The following NPAS2 variants were observed in gnomAD, a reference collection of about 807,000 sequenced individuals.
NPAS2 encodes neuronal PAS domain protein 2, also known as neuronal PAS domain-containing protein 2.
In NPAS2, 23 loss-of-function variants were observed where a neutral mutation model predicts 107.5. The ratio of observed to expected loss-of-function variants is 0.21; its 90% CI spans 0.15 to 0.30. The LOEUF is 0.30. NPAS2 is among the 10% of genes least tolerant of loss of function. The probability of loss-of-function intolerance (pLI) is 1.00; values close to 1 mark genes in which losing one functional copy is unlikely to be tolerated. For synonymous variants in NPAS2, 403 were observed against 417.5 expected (o/e 0.97, Z 0.42); for missense variants, 756 against 1,043.3 (o/e 0.72, Z 3.79).
chr2:100,875,662 A>G (rs544474814), intron 1 of NPAS2, among the ~76,000 whole-genome samples: 6 of 152,330 alleles, frequency 3.9e-5, no homozygotes, highest in Non-Finnish European at 4.4e-5. Context: ...AGCTTTGTAG[A>G]CCGAAGGTCG....
rs547262201 is a variant in NPAS2, at chr2:100,980,004, A to C, written c.1482+2205A>C. Among the ~76,000 whole-genome samples, 275 of 152,220 alleles carry C rather than the reference A, an allele frequency of 1.8e-3. 2 individuals carry two copies. Among genetic ancestry groups the C allele is most frequent in the Non-Finnish European group, 2.9e-3 (200 of 68,032 alleles). On this transcript the variant is annotated intron_variant, in intron 15 of 20. Transcript: ENST00000335681. The stretch of plus-strand genomic sequence containing the variant: ...GAAAAATGAAATCCAAAATCTGAGG[A>C]GCGGTTATCTGGGTAACTGGTGGTT...
At position 100,904,715 on chromosome 2, in the gene NPAS2, T is replaced by A. The variant is rs1386228455; in HGVS notation, c.-22-18T>A. On this transcript the variant is annotated intron_variant, in intron 1 of 20. Transcript: ENST00000335681. ...AGTAATTATCCATTCTTTTTAATTT[T>A]TTTTTTTTTTTTTGCAGGAAAAACT... The A allele has an allele frequency of 9.2e-6, 12 of 1,309,908 alleles. No individual in the cohort carries two copies. Among genetic ancestry groups the A allele is most frequent in the Non-Finnish European group, 1.3e-5 (12 of 957,888 alleles). 81.1% of individuals were successfully genotyped at this position (1,309,908 alleles called of 1,614,324 possible).
chr2:100,923,303 C>T (rs1270992396), intron 2 of NPAS2, among the ~76,000 whole-genome samples: 1 of 152,068 alleles, frequency 6.6e-6, no homozygotes, highest in Non-Finnish European at 1.5e-5. Context: ...CACACGTTAG[C>T]TGAGCTTTGA....
chr2:100,947,711 A>G (rs556383454), intron 5 of NPAS2, among the ~76,000 whole-genome samples: 12 of 152,326 alleles, frequency 7.9e-5, no homozygotes, highest in Admixed American at 3.3e-4. Context: ...CTCAATCTGA[A>G]CTCTACCTTG....
chr2:100,852,200 T>C (rs190946424), intron 1 of NPAS2, among the ~76,000 whole-genome samples: 8 of 152,024 alleles, frequency 5.3e-5, no homozygotes, highest in East Asian at 2.0e-4. Flanking sequence ...ATCAAGACCA[T>C]CCTGGCTAAC....
chr2:100,848,566 A>AT (rs1677939076), intron 1 of NPAS2, among the ~76,000 whole-genome samples: 1 of 152,106 alleles, frequency 6.6e-6, no homozygotes, highest in African/African-American at 2.4e-5. Context: ...AGCACACATT[A>AT]TTTTTCTGAA....
At chr2:100,878,155 C>T (rs944924736) in intron 1 of NPAS2, 3 of 985,274 alleles carry the variant, frequency 3.0e-6, no homozygotes, top group African/African-American at 3.5e-5. Flanking sequence ...AAGACAGCCT[C>T]CAGGGACCAG....
intron 1 of NPAS2, among the ~76,000 whole-genome samples, chr2:100,880,479 C>T (rs1160706936): frequency 6.6e-6 from 1 of 151,924 alleles, no homozygotes; most frequent in Non-Finnish European, 1.5e-5. Context: ...TGAAATATGC[C>T]CGAATGTGGA....
At chr2:100,982,194 C>G in intron 15 of NPAS2, 37 bp from the exon 16 acceptor site, 1 of 1,612,920 alleles carries the variant, frequency 6.2e-7, no homozygotes, top group Non-Finnish European at 8.5e-7. Flanking sequence ...TGAAATAACT[C>G]TTTCATCTGA....
chr2:100,890,989 T>G (rs1423240029), intron 1 of NPAS2, among the ~76,000 whole-genome samples: 2 of 151,990 alleles, frequency 1.3e-5, no homozygotes, highest in Non-Finnish European at 2.9e-5. Flanking sequence ...TCCCAGCACT[T>G]TGGGAGGCCA....
intron 17 of NPAS2, 35 bp from the exon 18 acceptor site, chr2:100,990,221 C>G (rs1366359452): frequency 6.2e-7 from 1 of 1,603,838 alleles, no homozygotes; most frequent in East Asian, 2.2e-5. Flanking sequence ...GGGTTGAGTC[C>G]AAGTCTTACC....
chr2:100,850,758 G>C (rs1678117376), intron 1 of NPAS2, among the ~76,000 whole-genome samples: 1 of 151,856 alleles, frequency 6.6e-6, no homozygotes, highest in Non-Finnish European at 1.5e-5. Flanking sequence ...TTCGAGGCCA[G>C]CCTGGCCAAC....
intron 2 of NPAS2, among the ~76,000 whole-genome samples, chr2:100,920,265 A>G (rs895748332): frequency 6.6e-6 from 1 of 152,192 alleles, no homozygotes; most frequent in African/African-American, 2.4e-5. Flanking sequence ...AATAACGTAC[A>G]GTGTTGTATA....
chr2:100,995,478 C>G lies in NPAS2; in HGVS notation c.2371C>G (p.Leu791Val), dbSNP rs367662228. 29 of 1,613,962 alleles carry G rather than the reference C, an allele frequency of 1.8e-5. No individual in the cohort carries two copies. The highest frequency in any genetic ancestry group is 2.3e-5 in the Non-Finnish European group (27 of 1,180,036). ...LSTYSQQPGT[L>V]GYPQPPPAQP... ...CACCTACTCACAACAGCCAGGGACCCTGGGCTACCCCCAACCACCCCCAGC... is the reference window on the plus strand; with the variant it reads ...CACCTACTCACAACAGCCAGGGACCGTGGGCTACCCCCAACCACCCCCAGC... The change falls in exon 21 of 21, where the codon CTG becomes GTG. Residue 791 changes from leucine (L) to valine (V), a missense_variant. Transcript: ENST00000335681.
Position 100,952,562 on chromosome 2 carries a change from C to T in NPAS2, c.598+3082C>T, listed in dbSNP as rs546774208. On this transcript the variant is annotated intron_variant, in intron 7 of 20. Coordinates refer to ENST00000335681, the MANE Select transcript of NPAS2 (RefSeq NM_002518.4). The stretch of plus-strand genomic sequence containing the variant: ...CTGGGCAACAAGAGCAAAACTCTGT[C>T]TCAAAAAAAAAACAAAAAAACAACA... Among the ~76,000 whole-genome samples, 9 of 150,802 alleles carry T rather than the reference C, an allele frequency of 6.0e-5. No homozygotes were observed. The South Asian group carries it at 1.9e-3, about 31-fold the overall frequency.
At position 100,900,484 on chromosome 2, in the gene NPAS2, G is replaced by A. The variant is rs74967004; in HGVS notation, c.-22-4249G>A. Among the ~76,000 whole-genome samples the A allele has an allele frequency of 5.0e-3, 767 of 152,226 alleles. 6 individuals carry two copies. The highest frequency in any genetic ancestry group is 0.018 in the African/African-American group (727 of 41,528). ...TACTGGTGCAAATATGAAATTGTAC[G>A]TTCACTTTGGAAAACAGCCTGGCAG... On this transcript the variant is annotated intron_variant, in intron 1 of 20. Coordinates refer to ENST00000335681, the MANE Select transcript of NPAS2 (RefSeq NM_002518.4).
intron 14 of NPAS2, among the ~76,000 whole-genome samples, chr2:100,977,376 G>A (rs1334953026): frequency 6.6e-6 from 1 of 152,214 alleles, no homozygotes; most frequent in Non-Finnish European, 1.5e-5. Flanking sequence ...CCATTTGGGA[G>A]GAGAGCAACC....
chr2:100,840,537 C>A (rs1677332921), intron 1 of NPAS2, among the ~76,000 whole-genome samples: 1 of 152,126 alleles, frequency 6.6e-6, no homozygotes, highest in African/African-American at 2.4e-5. Context: ...GGCTTCCTCA[C>A]AACCCTCTAA....
intron 1 of NPAS2, among the ~76,000 whole-genome samples, chr2:100,877,794 A>G (rs1573526271): frequency 6.6e-6 from 1 of 152,200 alleles, no homozygotes; most frequent in African/African-American, 2.4e-5. Flanking sequence ...AGGGAACCCC[A>G]TCATTTGGCT....
Sources: allele counts gnomAD v4.1 joint callset (sites outside exome capture counted in the v4.1 genomes callset), GRCh38; gene constraint gnomAD v4.1.1; transcripts MANE v1.5; gene names NCBI Gene and HGNC (gene_info 2026-07-23, HGNC 2026-07-21).